The following PTBP2 variants were observed in gnomAD, a reference collection of about 807,000 sequenced individuals.
PTBP2 encodes the protein polypyrimidine tract-binding protein 2.
A neutral mutation model predicts 61.4 loss-of-function variants in PTBP2; 13 were observed. The ratio of observed to expected loss-of-function variants is 0.21; its 90% CI spans 0.14 to 0.34. PTBP2 has a LOEUF of 0.34. Ranked by LOEUF, PTBP2 falls within the 10% of genes least tolerant of loss-of-function variation. The probability of loss-of-function intolerance (pLI) is 1.00; values close to 1 mark genes in which losing one functional copy is unlikely to be tolerated. For synonymous variants in PTBP2, 215 were observed against 218.5 expected (o/e 0.98, Z 0.14); for missense variants, 405 against 642.6 (o/e 0.63, Z 4.00).
intron 3 of PTBP2, 90 bp downstream of exon 3, chr1:96,751,590 CCTTT>C (rs1654551712): frequency 1.0e-6 from 1 of 956,714 alleles, no homozygotes; most frequent in African/African-American, 1.7e-5. Flanking sequence ...ACCAGGAAAG[CCTTT>C]CTTTTTAAAT....
At chr1:96,730,458 G>A (rs1260125915) in intron 2 of PTBP2, among the ~76,000 whole-genome samples, 1 of 152,114 alleles carries the variant, frequency 6.6e-6, no homozygotes, top group Non-Finnish European at 1.5e-5. Context: ...TTATTGGAAA[G>A]TATGTTATTT....
chr1:96,780,570 G>T (rs938043762), intron 7 of PTBP2, among the ~76,000 whole-genome samples: 1 of 152,000 alleles, frequency 6.6e-6, no homozygotes, highest in Non-Finnish European at 1.5e-5. Flanking sequence ...TTGGCACTGT[G>T]CACCATTGTC....
rs965548408 is a variant in PTBP2 at position 96,804,947 on chromosome 1, A to C, written c.1044+8A>C. On this transcript the variant is annotated splice_region_variant and intron_variant, in intron 9 of 13. Coordinates refer to ENST00000674951, the MANE Select transcript of PTBP2 (RefSeq NM_021190.4). ...AGCAATTTAAATGAAGAGGTTAGTA[A>C]AATAATCTCTAATGTTTATTCTTTA... 1.3e-6 allele frequency: 2 copies of C among 1,565,532 alleles called. No homozygotes were observed. The highest frequency in any genetic ancestry group is 1.7e-6 in the Non-Finnish European group (2 of 1,153,114).
chr1:96,796,608 T>C (rs905113684), intron 8 of PTBP2, among the ~76,000 whole-genome samples: 2 of 152,136 alleles, frequency 1.3e-5, no homozygotes, highest in East Asian at 3.9e-4. Context: ...AATTAGCATT[T>C]GTGGGGTGTG....
At chr1:96,791,835 T>TTTTTTTTTTTGTTTTTTTTTTG (rs1557759225) in intron 8 of PTBP2, among the ~76,000 whole-genome samples, 18 of 30,512 alleles carry the variant, frequency 5.9e-4, no homozygotes, top group African/African-American at 3.4e-3. Flanking sequence ...GCTTTTTTTT[T>TTTTTTTTTTTGTTTTTTTTTTG]TTTTTTTTTT....
At chr1:96,773,551 A>T (rs993736050) in intron 5 of PTBP2, among the ~76,000 whole-genome samples, 3 of 152,106 alleles carry the variant, frequency 2.0e-5, no homozygotes, top group Non-Finnish European at 4.4e-5. Context: ...CAGAATGGAC[A>T]ATTAGATTTT....
At chr1:96,806,585 T>G in intron 10 of PTBP2, 133 bp downstream of exon 10, 1 of 1,023,054 alleles carries the variant, frequency 9.8e-7, no homozygotes, top group Non-Finnish European at 1.4e-6. Context: ...TATTTAAAAC[T>G]CTCCATAGAC....
intron 8 of PTBP2, among the ~76,000 whole-genome samples, chr1:96,785,896 T>C (rs1224810025): frequency 2.0e-5 from 3 of 152,210 alleles, no homozygotes; most frequent in South Asian, 2.1e-4. Flanking sequence ...ATGCAACTTA[T>C]AGTTGATAGC....
chr1:96,724,438 G>A (rs1408950565), intron 2 of PTBP2, among the ~76,000 whole-genome samples: 1 of 151,776 alleles, frequency 6.6e-6, no homozygotes, highest in Non-Finnish European at 1.5e-5. Flanking sequence ...TAGTAGAAAT[G>A]GCATTTCACC....
At chr1:96,768,969 C>T (rs1657068427) in intron 3 of PTBP2, among the ~76,000 whole-genome samples, 1 of 151,920 alleles carries the variant, frequency 6.6e-6, no homozygotes, top group South Asian at 2.1e-4. Context: ...AAATTATAAT[C>T]TTCCTAATTT....
At chr1:96,784,727 A>G (rs1322242654) in intron 7 of PTBP2, among the ~76,000 whole-genome samples, 1 of 152,124 alleles carries the variant, frequency 6.6e-6, no homozygotes, top group Non-Finnish European at 1.5e-5. Context: ...GTAGTGTGGT[A>G]CTACTTTGGT....
At chr1:96,817,441 G>A (rs1269650869), downstream of PTBP2, 1 of 151,936 alleles carries the variant, frequency 6.6e-6, no homozygotes, top group Non-Finnish European at 1.5e-5. Context: ...GTTATTCTTT[G>A]TTATTTTGAA....
intron 11 of PTBP2, among the ~76,000 whole-genome samples, chr1:96,810,132 T>C (rs1415008560): frequency 6.6e-6 from 1 of 152,186 alleles, no homozygotes; most frequent in East Asian, 1.9e-4. Flanking sequence ...TTTTTATTAT[T>C]CGTTAATAAT....
At chr1:96,736,212 A>G (rs967940742) in intron 2 of PTBP2, among the ~76,000 whole-genome samples, 11 of 152,184 alleles carry the variant, frequency 7.2e-5, no homozygotes, top group African/African-American at 2.7e-4. Context: ...CACTGAAGGA[A>G]TTTCTGGAGT....
downstream of PTBP2, chr1:96,819,224 A>G (rs1354057520): frequency 6.6e-6 from 1 of 152,018 alleles, no homozygotes; most frequent in African/African-American, 2.4e-5. Context: ...TTCCTATTGC[A>G]TAGCACAGTC....
At chr1:96,802,469 A>G (rs1661118012) in intron 8 of PTBP2, among the ~76,000 whole-genome samples, 1 of 152,176 alleles carries the variant, frequency 6.6e-6, no homozygotes, top group South Asian at 2.1e-4. Flanking sequence ...TAATTTTGGT[A>G]ACTAATTATA....
At chr1:96,813,221 A>G (rs1662243336) in intron 13 of PTBP2, 55 bp from the exon 14 acceptor site, 1 of 1,560,006 alleles carries the variant, frequency 6.4e-7, no homozygotes, top group Non-Finnish European at 8.7e-7. Context: ...CAAGTATTTA[A>G]TAAGCCCTTT....
chr1:96,799,618 A>T (rs1039262033), intron 8 of PTBP2, among the ~76,000 whole-genome samples: 2 of 152,138 alleles, frequency 1.3e-5, no homozygotes, highest in South Asian at 4.1e-4. Flanking sequence ...TAAAGATGCA[A>T]ATCATTAAAG....
chr1:96,787,111 C>T (rs1362959535), intron 8 of PTBP2, among the ~76,000 whole-genome samples: 3 of 152,144 alleles, frequency 2.0e-5, no homozygotes, highest in African/African-American at 4.8e-5. Flanking sequence ...ACTTCCGCCT[C>T]CCGGGTTCAA....
Sources: allele counts gnomAD v4.1 joint callset (sites outside exome capture counted in the v4.1 genomes callset), GRCh38; gene constraint gnomAD v4.1.1; transcripts MANE v1.5; gene names NCBI Gene and HGNC (gene_info 2026-07-23, HGNC 2026-07-21).